MIOS: variants seen among roughly 807,000 people sequenced by gnomAD.
MIOS encodes GATOR2 complex protein MIOS.
MIOS carries 52 observed loss-of-function variants against 96.9 expected under a neutral mutation model. The observed-to-expected ratio is 0.54, with a 90% CI of 0.43 to 0.68. The LOEUF (loss-of-function observed/expected upper bound fraction) is 0.68. Among genes scored for constraint, MIOS ranks in the 30% least tolerant of loss-of-function variants. The pLI is 0.00. For synonymous variants in MIOS, 397 were observed against 359.5 expected, an observed-to-expected ratio of 1.10 and a Z score of -1.18; for missense variants, 1,005 against 1,052.8, an observed-to-expected ratio of 0.95 and a Z score of 0.63.
In MIOS at chr7:7,573,402, T is replaced by C. The variant is rs758439480; in HGVS notation, c.927T>C (p.Thr309=). The C allele has an allele frequency of 1.9e-5, 30 of 1,614,006 alleles. No homozygotes were observed. Among genetic ancestry groups the C allele is most frequent in the Non-Finnish European group, 2.5e-5 (29 of 1,179,970 alleles). Residue 309 remains threonine, a synonymous_variant, in exon 4 of 13, where the codon ACT becomes ACC. Coordinates refer to ENST00000340080, the MANE Select transcript of MIOS (RefSeq NM_019005.4). The surrounding 1 kb of genome is among the most constrained non-coding windows in gnomAD (Gnocchi z 5.0). ...CACCCACTCCCATTGGGGATGAAAC[T>C]GAACCCACAATAATTGAAAGAAGTG... The part of the protein sequence containing the change: ...QHTPTPIGDE[T]EPTIIERSVQ...
chr7:7,594,657 G>C (rs1784151775), intron 9 of MIOS, among the ~76,000 whole-genome samples: 1 of 152,090 alleles, frequency 6.6e-6, no homozygotes, highest in Admixed American at 6.5e-5. Context: ...TAATTGCTGG[G>C]ACAAAGGGTA....
At chr7:7,592,363 A>G (rs1784073926) in intron 9 of MIOS, among the ~76,000 whole-genome samples, 1 of 152,122 alleles carries the variant, frequency 6.6e-6, no homozygotes, top group African/African-American at 2.4e-5. Flanking sequence ...TGTTCATTTC[A>G]GTTATTGTGC....
At chr7:7,578,782 C>G (rs1783618302) in intron 5 of MIOS, among the ~76,000 whole-genome samples, 1 of 152,042 alleles carries the variant, frequency 6.6e-6, no homozygotes, top group Non-Finnish European at 1.5e-5. Flanking sequence ...ACAATCTTGG[C>G]TCACTGCAAC....
In MIOS at chr7:7,600,713, G is replaced by A. The variant is rs181349803; in HGVS notation, c.2401+4252G>A. On this transcript the variant is annotated intron_variant, in intron 11 of 12. Coordinates refer to ENST00000340080, the MANE Select transcript of MIOS (RefSeq NM_019005.4). Reference sequence around the variant, plus strand: ...AATTGAACTCCGCTCTGCACCAAGCGGACCTAATAGACATCTACAGAACTC... The same window carrying A: ...AATTGAACTCCGCTCTGCACCAAGCAGACCTAATAGACATCTACAGAACTC... Among the ~76,000 whole-genome samples the A allele has an allele frequency of 3.6e-3, 541 of 152,146 alleles. 3 individuals are homozygous for A. Among genetic ancestry groups the A allele is most frequent in the Non-Finnish European group, 5.8e-3 (394 of 67,990 alleles).
intron 7 of MIOS, 92 bp from the exon 8 acceptor site, chr7:7,588,406 A>ATTCAT: frequency 1.6e-6 from 1 of 619,956 alleles, no homozygotes; most frequent in Non-Finnish European, 2.5e-6. Flanking sequence ...AAATAAACAT[A>ATTCAT]TTCATTTTAT....
intron 11 of MIOS, among the ~76,000 whole-genome samples, chr7:7,596,800 C>A (rs1784215454): frequency 6.6e-6 from 1 of 152,162 alleles, no homozygotes; most frequent in Non-Finnish European, 1.5e-5. Flanking sequence ...AGTCAGTATA[C>A]CCGCACCTAT....
intron 6 of MIOS, among the ~76,000 whole-genome samples, 154 bp from the exon 7 acceptor site, chr7:7,585,482 A>G (rs1173167916): frequency 4.7e-5 from 7 of 148,832 alleles, no homozygotes; most frequent in African/African-American, 9.9e-5. Context: ...AAGAATGGCT[A>G]CTCCATAGGC....
intron 11 of MIOS, among the ~76,000 whole-genome samples, chr7:7,604,619 CATAAGT>C (rs1784474553): frequency 6.6e-6 from 1 of 152,138 alleles, no homozygotes; most frequent in Non-Finnish European, 1.5e-5. Context: ...TGAGTTAATG[CATAAGT>C]GAAACTCTAG....
chr7:7,591,283 T>C (rs1050365959), intron 9 of MIOS, among the ~76,000 whole-genome samples: 1 of 145,830 alleles, frequency 6.9e-6, no homozygotes, highest in African/African-American at 2.5e-5. Context: ...CTGTGATGTT[T>C]CATTTTTTGT....
chr7:7,570,798 GAGATGAGTGGCTGTAAATAAC>G (rs1757025185), intron 3 of MIOS, among the ~76,000 whole-genome samples: 1 of 152,178 alleles, frequency 6.6e-6, no homozygotes, highest in African/African-American at 2.4e-5. Flanking sequence ...AGCAGTGTGT[GAGATGAGTGGCTGTAAATAAC>G]AGATGACGCT....
chr7:7,569,430 T>C (rs945034886), intron 3 of MIOS, among the ~76,000 whole-genome samples: 2 of 152,212 alleles, frequency 1.3e-5, no homozygotes, highest in African/African-American at 4.8e-5. Flanking sequence ...GAAAGTATAA[T>C]AGCAGACATT....
intron 9 of MIOS, 74 bp from the exon 10 acceptor site, chr7:7,594,906 T>C: frequency 8.8e-7 from 1 of 1,133,914 alleles, no homozygotes; most frequent in Non-Finnish European, 1.2e-6. Flanking sequence ...TACTCATACT[T>C]ACATGCTACC....
chr7:7,573,086 T>C lies in MIOS; in HGVS notation c.611T>C (p.Met204Thr). The change falls in exon 4 of 13, where the codon ATG becomes ACG. Residue 204 changes from methionine (M) to threonine (T), a missense_variant. Met to Thr is a moderately conservative substitution (Grantham distance 81). Coordinates refer to ENST00000340080, the MANE Select transcript of MIOS (RefSeq NM_019005.4). This position sits in a 1 kb window ranked among gnomAD's most constrained non-coding sequence, Gnocchi z 5.0. ...PRDQKLLLAGMHRNLAIFDLR... is the reference protein window; with the variant it reads ...PRDQKLLLAGTHRNLAIFDLR... ...GACCAGAAACTTCTCCTTGCTGGTA[T>C]GCATCGTAACCTAGCTATATTTGAT... 1 of 1,614,120 alleles carries C rather than the reference T, an allele frequency of 6.2e-7. No homozygotes were observed. Among genetic ancestry groups the C allele is most frequent in the Non-Finnish European group, 8.5e-7 (1 of 1,179,982 alleles).
At chr7:7,582,422 G>A (rs1022036779) in intron 5 of MIOS, among the ~76,000 whole-genome samples, 2 of 152,146 alleles carry the variant, frequency 1.3e-5, no homozygotes, top group African/African-American at 4.8e-5. Flanking sequence ...AAATTACCAT[G>A]TCATTAGGAT....
Position 7,574,119 on chromosome 7 carries a change from A to G in MIOS, c.1316A>G (p.Asp439Gly), listed in dbSNP as rs1262694319. 6.2e-7 allele frequency: 1 copy of G among 1,610,008 alleles called. No homozygotes were observed. ...ATACTTATGAAGCAATACACAGAAG[A>G]TATGGATCAGAAATCTCCAGGCAAC... is the stretch of plus-strand genomic sequence containing the variant. The part of the protein sequence containing the change: ...TLHFMKQYTE[D>G]MDQKSPGNKG... Residue 439 changes from aspartate to glycine, a missense_variant, in exon 5 of 13, where the codon GAT (aspartate) becomes GGT (glycine). Around this residue, in one of 3 missense-constraint regions of MIOS, gnomAD observed 865 missense variants for 887.9 expected, o/e 0.97. Transcript: ENST00000340080.
chr7:7,581,422 A>T (rs1335880024), intron 5 of MIOS, among the ~76,000 whole-genome samples: 3 of 152,198 alleles, frequency 2.0e-5, no homozygotes, highest in Non-Finnish European at 4.4e-5. Flanking sequence ...GAATGACTGT[A>T]GCTAAATTAA....
At chr7:7,606,877 A>G (rs1226299057) in intron 12 of MIOS, 119 bp from the exon 13 acceptor site, 3 of 769,708 alleles carry the variant, frequency 3.9e-6, no homozygotes, top group Admixed American at 2.7e-5. Flanking sequence ...CTTGAGCCCA[A>G]AAGTGTGCGT....
At chr7:7,579,257 A>G (rs1229514767) in intron 5 of MIOS, among the ~76,000 whole-genome samples, 1 of 152,188 alleles carries the variant, frequency 6.6e-6, no homozygotes, top group Non-Finnish European at 1.5e-5. Context: ...CTGATAATCA[A>G]CTGTAGCATA....
Position 7,573,107 on chromosome 7 carries a change from T to C in MIOS, c.632T>C (p.Phe211Ser). Residue 211 changes from phenylalanine to serine, a missense_variant, in exon 4 of 13, where the codon TTT becomes TCT. By Grantham distance (155) the Phe-to-Ser change is radical. Coordinates refer to ENST00000340080, the MANE Select transcript of MIOS (RefSeq NM_019005.4). This position sits in a 1 kb window ranked among gnomAD's most constrained non-coding sequence, Gnocchi z 5.0. ...LAGMHRNLAI[F>S]DLRNTSQKMF... is the part of the protein sequence containing the mutation. ...GGTATGCATCGTAACCTAGCTATAT[T>C]TGATCTTCGGAATACAAGCCAAAAG... The C allele has an allele frequency of 1.2e-6, 2 of 1,614,094 alleles. No homozygotes were observed. The highest frequency in any genetic ancestry group is 1.7e-6 in the Non-Finnish European group (2 of 1,179,960).
Sources: allele counts gnomAD v4.1 joint callset (sites outside exome capture counted in the v4.1 genomes callset), GRCh38; gene constraint gnomAD v4.1.1; regional missense constraint gnomAD v4.1.1; non-coding constraint Gnocchi (gnomAD v3.1); transcripts MANE v1.5; gene names NCBI Gene and HGNC (gene_info 2026-07-23, HGNC 2026-07-21).